Variants in CADM2 observed in about 807,000 individuals in gnomAD.
CADM2 encodes the protein cell adhesion molecule 2, also known as immunoglobulin superfamily member 4D.
A neutral mutation model predicts 49.8 loss-of-function variants in CADM2; 12 were observed. The ratio of observed to expected loss-of-function variants is 0.24; its 90% CI spans 0.15 to 0.39. The LOEUF (loss-of-function observed/expected upper bound fraction) is 0.39, where lower values mean the gene tolerates loss of function less well. Among genes scored for constraint, CADM2 ranks in the 10% least tolerant of loss-of-function variants. The pLI, the probability that CADM2 is intolerant of heterozygous loss-of-function variation, is 1.00. For synonymous variants in CADM2, 214 were observed against 175.4 expected, an observed-to-expected ratio of 1.22 and a Z score of -1.74; for missense variants, 378 against 492.3, an observed-to-expected ratio of 0.77 and a Z score of 2.20.
intron 1 of CADM2, among the ~76,000 whole-genome samples, chr3:85,078,479 A>G (rs1355994210): frequency 6.6e-6 from 1 of 151,950 alleles, no homozygotes; most frequent in Non-Finnish European, 1.5e-5. Context: ...GTATATGGCT[A>G]TATATAAAGC....
At chr3:85,188,128 G>A (rs1349514010) in intron 1 of CADM2, among the ~76,000 whole-genome samples, 2 of 151,858 alleles carry the variant, frequency 1.3e-5, no homozygotes, top group African/African-American at 4.8e-5. Context: ...ATTGCTAATT[G>A]TAATTTTCAT....
At chr3:85,922,825 G>T (rs140268225) in intron 6 of CADM2, among the ~76,000 whole-genome samples, 189 of 129,152 alleles carry the variant, frequency 1.5e-3, no homozygotes, top group African/African-American at 4.4e-3. Context: ...TATATTTTTT[G>T]TTGTTTTTTT....
rs1029678026 is a variant in CADM2 at position 85,972,305 on chromosome 3, T to A, written c.970+10658T>A. On this transcript the variant is annotated intron_variant, in intron 8 of 9. Transcript: ENST00000383699. ...AGTAAGGAAAACTACCCTATTATTT[T>A]TTAAGATAGGGAAATGTGAGTACCT... Among the ~76,000 whole-genome samples the A allele has an allele frequency of 2.6e-5, 4 of 151,836 alleles. No homozygotes were observed. In the South Asian group the frequency reaches 8.3e-4, roughly 31 times the overall value.
chr3:85,457,366 T>C (rs1397127741), intron 1 of CADM2, among the ~76,000 whole-genome samples: 1 of 151,830 alleles, frequency 6.6e-6, no homozygotes, highest in Non-Finnish European at 1.5e-5. Context: ...TGAGCCATGA[T>C]TGCACCACTG....
intron 1 of CADM2, among the ~76,000 whole-genome samples, chr3:85,713,972 C>A (rs1379856421): frequency 6.6e-6 from 1 of 152,104 alleles, no homozygotes; most frequent in Non-Finnish European, 1.5e-5. Flanking sequence ...GCTTTATGCA[C>A]AACATTCTGG....
chr3:85,243,172 T>C (rs2042569444), intron 1 of CADM2, among the ~76,000 whole-genome samples: 1 of 151,900 alleles, frequency 6.6e-6, no homozygotes, highest in African/African-American at 2.4e-5. Context: ...TTTTCTTTTT[T>C]TATAGAACAT....
Position 85,614,486 on chromosome 3 carries a change from C to T in CADM2, c.62-112036C>T, listed in dbSNP as rs115626754. 3.9e-3 allele frequency among the ~76,000 whole-genome samples: 591 copies of T among 151,620 alleles called. 3 individuals are homozygous for T. The highest frequency in any genetic ancestry group is 0.013 in the African/African-American group (530 of 41,418). ...GGGTTTAAAAAGAATTTAGGTAGTC[C>T]TTAAGTAATCCAAGTTGGTCGGCCA... On this transcript the variant is annotated intron_variant, in intron 1 of 9. Transcript: ENST00000383699.
At chr3:85,950,164 C>T (rs78535323) in intron 7 of CADM2, among the ~76,000 whole-genome samples, 1,822 of 151,174 alleles carry the variant, frequency 0.012, 46 homozygotes, top group South Asian at 0.091. Flanking sequence ...AGATTTTATG[C>T]TTAATGTACA....
chr3:86,035,924 C>T (rs1005968876), intron 8 of CADM2, among the ~76,000 whole-genome samples: 5 of 152,114 alleles, frequency 3.3e-5, no homozygotes, highest in African/African-American at 1.2e-4. Flanking sequence ...TTCTGGCTTG[C>T]AGAAGGCCAT....
At chr3:85,713,800 T>C (rs2067196832) in intron 1 of CADM2, among the ~76,000 whole-genome samples, 1 of 152,244 alleles carries the variant, frequency 6.6e-6, no homozygotes, top group South Asian at 2.1e-4. Context: ...GGTATCTACA[T>C]GCTCTTTGAA....
chr3:85,575,320 G>A (rs145025118), intron 1 of CADM2, among the ~76,000 whole-genome samples: 1 of 152,194 alleles, frequency 6.6e-6, no homozygotes, highest in Non-Finnish European at 1.5e-5. Context: ...GGTAGGCCAA[G>A]GTGGGTGGAT....
intron 1 of CADM2, among the ~76,000 whole-genome samples, chr3:85,440,329 A>G (rs1046343491): frequency 6.6e-6 from 1 of 152,192 alleles, no homozygotes; most frequent in Non-Finnish European, 1.5e-5. Context: ...ATTTCCCTTC[A>G]GAACAGGCAG....
At chr3:85,440,813 T>C (rs965611822) in intron 1 of CADM2, among the ~76,000 whole-genome samples, 6 of 152,006 alleles carry the variant, frequency 3.9e-5, no homozygotes, top group African/African-American at 1.4e-4. Context: ...TGAAACCCCA[T>C]CTTTACAGAA....
At chr3:85,325,773 T>TA (rs1474571453) in intron 1 of CADM2, among the ~76,000 whole-genome samples, 1 of 152,018 alleles carries the variant, frequency 6.6e-6, no homozygotes, top group Non-Finnish European at 1.5e-5. Context: ...AGCCATGATT[T>TA]AAAAAAATCT....
chr3:85,960,065 G>A (rs1724627975), intron 7 of CADM2, among the ~76,000 whole-genome samples: 1 of 151,838 alleles, frequency 6.6e-6, no homozygotes, highest in Non-Finnish European at 1.5e-5. Context: ...GGAGCTGGGG[G>A]AGAAGACAAA....
chr3:85,147,201 G>T (rs1413704597), intron 1 of CADM2, among the ~76,000 whole-genome samples: 3 of 150,784 alleles, frequency 2.0e-5, no homozygotes, highest in African/African-American at 7.3e-5. Flanking sequence ...CGAGAACCCG[G>T]GAGGCGGAGC....
chr3:86,040,969 T>C (rs1472769760), intron 8 of CADM2, among the ~76,000 whole-genome samples: 1 of 152,104 alleles, frequency 6.6e-6, no homozygotes, highest in Non-Finnish European at 1.5e-5. Context: ...GAATTTCATA[T>C]CCAGCCAAAC....
chr3:85,876,096 C>T (rs1272069434), intron 3 of CADM2, among the ~76,000 whole-genome samples: 3 of 152,124 alleles, frequency 2.0e-5, no homozygotes, highest in Non-Finnish European at 4.4e-5. Flanking sequence ...GGAAATGAAA[C>T]TTACTGGTTG....
At chr3:85,250,404 A>G (rs2042747524) in intron 1 of CADM2, among the ~76,000 whole-genome samples, 1 of 151,628 alleles carries the variant, frequency 6.6e-6, no homozygotes. Flanking sequence ...TTTATTAAGA[A>G]AACAAGGAAA....
Sources: gnomAD v4.1 joint callset for allele counts (sites outside exome capture counted in the v4.1 genomes callset) on GRCh38, gnomAD v4.1.1 for gene constraint, MANE v1.5 for transcripts, NCBI Gene and HGNC (gene_info 2026-07-23, HGNC 2026-07-21) for gene names.